WDR70: variants seen among roughly 807,000 people sequenced by gnomAD.
WDR70 encodes WD repeat-containing protein 70.
Under a neutral mutation model 88.6 loss-of-function variants are expected in WDR70, and 53 were observed. That is an observed-to-expected ratio of 0.60 (90% CI 0.48 to 0.75). The LOEUF is 0.75. WDR70 is among the 30% of genes least tolerant of loss of function. The pLI, the probability that WDR70 is intolerant of heterozygous loss-of-function variation, is 0.00. For missense variants in WDR70, 610 were observed against 823.2 expected (o/e 0.74, Z 3.17); for synonymous variants, 280 against 270.0 (o/e 1.04, Z -0.36).
At chr5:37,680,835 G>T (rs1407156441) in intron 10 of WDR70, among the ~76,000 whole-genome samples, 1 of 152,130 alleles carries the variant, frequency 6.6e-6, no homozygotes, top group Non-Finnish European at 1.5e-5. Context: ...GTAGTGTGAT[G>T]CATCCAGCTT....
At chr5:37,435,662 T>TA (rs925698528) in intron 5 of WDR70, among the ~76,000 whole-genome samples, 1 of 152,198 alleles carries the variant, frequency 6.6e-6, no homozygotes, top group African/African-American at 2.4e-5. Flanking sequence ...TGGGATATAA[T>TA]AATTTGGTCT....
intron 7 of WDR70, among the ~76,000 whole-genome samples, chr5:37,475,853 T>TG (rs1739465728): frequency 6.7e-6 from 1 of 150,336 alleles, no homozygotes; most frequent in African/African-American, 2.4e-5. Flanking sequence ...ATTTTTTTTT[T>TG]TTTTTTTTGG....
intron 10 of WDR70, among the ~76,000 whole-genome samples, chr5:37,617,979 C>A (rs1275142993): frequency 6.6e-6 from 1 of 152,110 alleles, no homozygotes; most frequent in Non-Finnish European, 1.5e-5. Context: ...AAATTGAGTT[C>A]ACATAAGTAT....
chr5:37,733,752 A>G (rs1275926932), intron 17 of WDR70, among the ~76,000 whole-genome samples: 1 of 152,030 alleles, frequency 6.6e-6, no homozygotes, highest in Non-Finnish European at 1.5e-5. Context: ...ATATGTATAT[A>G]TTAATTTAGA....
chr5:37,631,953 A>G (rs1744830727), intron 10 of WDR70, among the ~76,000 whole-genome samples: 1 of 152,196 alleles, frequency 6.6e-6, no homozygotes, highest in African/African-American at 2.4e-5. Flanking sequence ...ACATACTGCA[A>G]AGATAATCTC....
At chr5:37,677,134 T>C (rs960733306) in intron 10 of WDR70, among the ~76,000 whole-genome samples, 13 of 152,182 alleles carry the variant, frequency 8.5e-5, no homozygotes, top group Non-Finnish European at 1.9e-4. Context: ...TTTTCTTCTT[T>C]ATTAGTCTTG....
intron 10 of WDR70, among the ~76,000 whole-genome samples, chr5:37,685,618 G>A (rs1746566824): frequency 1.3e-5 from 2 of 152,094 alleles, no homozygotes; most frequent in African/African-American, 2.4e-5. Flanking sequence ...AGTCTTCTAC[G>A]GAAGCAAGTC....
In WDR70 at chr5:37,512,776, G is replaced by A. The variant is rs910247531; in HGVS notation, c.841-3738G>A. Among the ~76,000 whole-genome samples, 35 of 151,268 alleles carry A rather than the reference G, an allele frequency of 2.3e-4. 1 individual carries two copies. The highest frequency in any genetic ancestry group is 6.6e-5 in the Admixed American group (1 of 15,158). ...TTTTTTCTTTTTTTTGTAGAGATGGGGTTTTGCCATGTTGCCCAGGCTGGT... is the reference window on the plus strand; with the variant it reads ...TTTTTTCTTTTTTTTGTAGAGATGGAGTTTTGCCATGTTGCCCAGGCTGGT... On this transcript the variant is annotated intron_variant, in intron 8 of 17. Transcript: ENST00000265107.
intron 10 of WDR70, among the ~76,000 whole-genome samples, chr5:37,688,947 C>T (rs1476377378): frequency 1.3e-5 from 2 of 152,176 alleles, no homozygotes; most frequent in African/African-American, 4.8e-5. Context: ...GAAGCCGTGA[C>T]AGACTGTACC....
chr5:37,478,847 C>T (rs1340995375), intron 7 of WDR70, among the ~76,000 whole-genome samples: 1 of 152,146 alleles, frequency 6.6e-6, no homozygotes, highest in Admixed American at 6.5e-5. Flanking sequence ...ATGAGCACTT[C>T]ACTTTTGAAG....
chr5:37,745,079 C>CA (rs1748597973), intron 17 of WDR70, among the ~76,000 whole-genome samples: 1 of 152,134 alleles, frequency 6.6e-6, no homozygotes, highest in African/African-American at 2.4e-5. Flanking sequence ...GACTTCTCAG[C>CA]AGAACCTCTA....
At chr5:37,501,549 C>T (rs2112220631) in intron 8 of WDR70, among the ~76,000 whole-genome samples, 1 of 152,244 alleles carries the variant, frequency 6.6e-6, no homozygotes, top group South Asian at 2.1e-4. Context: ...AAAGTTTACA[C>T]ATTTGTGTTG....
chr5:37,650,523 A>C (rs1276836256), intron 10 of WDR70, among the ~76,000 whole-genome samples: 1 of 146,644 alleles, frequency 6.8e-6, no homozygotes, highest in Non-Finnish European at 1.6e-5. Flanking sequence ...ATTAATGAAA[A>C]AATAGGAAGT....
intron 10 of WDR70, among the ~76,000 whole-genome samples, chr5:37,649,911 GTA>G (rs1288195350): frequency 7.0e-6 from 1 of 143,282 alleles, no homozygotes; most frequent in Non-Finnish European, 1.5e-5. Flanking sequence ...CTAATTTTTT[GTA>G]TTTTTAGTAG....
intron 17 of WDR70, among the ~76,000 whole-genome samples, chr5:37,751,956 T>A (rs1315035409): frequency 1.3e-5 from 2 of 152,194 alleles, no homozygotes; most frequent in African/African-American, 4.8e-5. Flanking sequence ...GCGGGGGATA[T>A]TCGTTTTCTT....
intron 9 of WDR70, among the ~76,000 whole-genome samples, chr5:37,563,993 C>T (rs1383428289): frequency 1.3e-5 from 2 of 148,898 alleles, no homozygotes; most frequent in Non-Finnish European, 3.0e-5. Flanking sequence ...ACGCTCCTCA[C>T]TTCCTAGATG....
At chr5:37,397,785 G>A (rs532248372) in intron 5 of WDR70, among the ~76,000 whole-genome samples, 3 of 152,222 alleles carry the variant, frequency 2.0e-5, no homozygotes, top group African/African-American at 7.2e-5. Flanking sequence ...ACGAGGTCAA[G>A]AGATTGAGAC....
intron 9 of WDR70, among the ~76,000 whole-genome samples, chr5:37,575,121 A>G (rs1190709148): frequency 6.6e-6 from 1 of 152,176 alleles, no homozygotes; most frequent in Admixed American, 6.6e-5. Context: ...TACAGAGTGG[A>G]TACTCATTAA....
At chr5:37,516,373 T>G in intron 8 of WDR70, 141 bp from the exon 9 acceptor site, 4 of 487,914 alleles carry the variant, frequency 8.2e-6, no homozygotes, top group Non-Finnish European at 1.1e-5. Context: ...TGGGATAAAA[T>G]AATATAGGTT....
Sources: allele counts gnomAD v4.1 joint callset (sites outside exome capture counted in the v4.1 genomes callset), GRCh38; gene constraint gnomAD v4.1.1; transcripts MANE v1.5; gene names NCBI Gene and HGNC (gene_info 2026-07-23, HGNC 2026-07-21).